C2CD3: variants seen among roughly 807,000 people sequenced by gnomAD.
C2CD3 encodes the protein C2 domain-containing protein 3.
Under a neutral mutation model 234.0 loss-of-function variants are expected in C2CD3, and 148 were observed. The ratio of observed to expected loss-of-function variants is 0.63; its 90% CI spans 0.55 to 0.72. The LOEUF is 0.72. C2CD3 is among the 30% of genes least tolerant of loss of function. C2CD3 has a pLI of 0.00. For synonymous variants in C2CD3, 1,000 were observed against 1,035.4 expected (o/e 0.97, Z 0.66); for missense variants, 2,577 against 2,811.5 (o/e 0.92, Z 1.89).
chr11:74,086,664 C>T (rs1490767383), intron 20 of C2CD3, among the ~76,000 whole-genome samples: 1 of 152,196 alleles, frequency 6.6e-6, no homozygotes, highest in South Asian at 2.1e-4. Context: ...TTTTATCTTT[C>T]TCAGCACAGA....
In C2CD3 at chr11:74,048,051, G is replaced by T. The variant is rs561783145; in HGVS notation, c.5495+154C>A. On this transcript the variant is annotated intron_variant, in intron 28 of 32. Transcript: ENST00000334126. Reference sequence around the variant, plus strand: ...TCTTATAAAAACTTTGTTTTCATACGATCTTGGGGTTTTTGGAGTTGTGAC... The same window carrying T: ...TCTTATAAAAACTTTGTTTTCATACTATCTTGGGGTTTTTGGAGTTGTGAC... 2.6e-5 allele frequency among the ~76,000 whole-genome samples: 4 copies of T among 152,266 alleles called. No individual in the cohort carries two copies. The South Asian group carries it at 6.2e-4, about 24-fold the overall frequency.
In C2CD3 at chr11:74,085,796, C is replaced by T. The variant is rs1216804393; in HGVS notation, c.3732G>A (p.Gln1244=). 6.2e-7 allele frequency: 1 copy of T among 1,614,054 alleles called. No individual in the cohort carries two copies. Among genetic ancestry groups the T allele is most frequent in the East Asian group, 2.2e-5 (1 of 44,868 alleles). The change falls in exon 21 of 33, where the codon CAG becomes CAA. Residue 1244 remains glutamine, a synonymous_variant. Coordinates refer to ENST00000334126, the MANE Select transcript of C2CD3 (RefSeq NM_001286577.2). ...SVTTHLSFLP[Q]GEQRRTHPVA... is the part of the protein sequence containing the mutation. ...CAGGGTGGGTTCGGCGCTGTTCTCC[C>T]TGGGGCAGGAAGGAGAGATGAGTGG...
intron 3 of C2CD3, chr11:74,142,056 T>C (rs928370771): frequency 6.6e-6 from 1 of 152,296 alleles, no homozygotes; most frequent in African/African-American, 2.4e-5. Flanking sequence ...CAGAGGATCA[T>C]AGTATTTTGT....
intron 19 of C2CD3, among the ~76,000 whole-genome samples, chr11:74,091,718 T>C (rs148649012): frequency 1.0e-3 from 159 of 152,334 alleles, no homozygotes; most frequent in African/African-American, 3.6e-3. Context: ...TATCTGCTCA[T>C]GTTGGCTTGG....
chr11:74,093,819 C>T lies in C2CD3; in HGVS notation c.3341G>A (p.Cys1114Tyr), dbSNP rs1955995710. ...PGGGVQFEIW[C>Y]RYYYPNVRDQ... ...GACTGGGGTCTCCACACTGTACCTG[C>T]ACCAGATTTCAAACTGGACTCCACC... Residue 1114 changes from cysteine to tyrosine, a missense_variant, in exon 18 of 33, where the codon TGC becomes TAC. By Grantham distance (194) the Cys-to-Tyr change is radical. Transcript: ENST00000334126. 1.2e-6 allele frequency: 2 copies of T among 1,613,376 alleles called. No homozygotes were observed. The highest frequency in any genetic ancestry group is 2.7e-5 in the African/African-American group (2 of 74,882).
At chr11:74,032,619 T>C (rs1185870136) in intron 31 of C2CD3, among the ~76,000 whole-genome samples, 1 of 152,064 alleles carries the variant, frequency 6.6e-6, no homozygotes, top group Non-Finnish European at 1.5e-5. Context: ...ATGCTCTAAC[T>C]GCAGCATTTT....
chr11:74,168,260 G>A, intron 2 of C2CD3, 84 bp downstream of exon 2: 5 of 1,095,466 alleles, frequency 4.6e-6, no homozygotes, highest in Non-Finnish European at 6.8e-6. Flanking sequence ...ATATATGCTA[G>A]GTACACAACA....
intron 7 of C2CD3, among the ~76,000 whole-genome samples, chr11:74,125,707 A>C (rs1184062909): frequency 6.6e-6 from 1 of 152,038 alleles, no homozygotes; most frequent in African/African-American, 2.4e-5. Context: ...CTTTTTTCTT[A>C]TACAACTAAT....
At chr11:74,167,159 C>T (rs964468622) in intron 2 of C2CD3, among the ~76,000 whole-genome samples, 1 of 152,134 alleles carries the variant, frequency 6.6e-6, no homozygotes, top group African/African-American at 2.4e-5. Context: ...TGTTCGGATG[C>T]CAAGTCCAAT....
intron 8 of C2CD3, among the ~76,000 whole-genome samples, chr11:74,119,177 T>C (rs766550454): frequency 6.6e-6 from 1 of 152,196 alleles, no homozygotes; most frequent in Non-Finnish European, 1.5e-5. Context: ...CCCAAAGTGC[T>C]GGAATTACAG....
intron 7 of C2CD3, chr11:74,128,629 G>A (rs1957499836): frequency 6.6e-6 from 1 of 151,818 alleles, no homozygotes; most frequent in Admixed American, 6.6e-5. Context: ...AATAGTGGAG[G>A]GAAGGTCAGC....
chr11:74,114,043 T>TGA, intron 10 of C2CD3, 151 bp from the exon 11 acceptor site: 1 of 600,666 alleles, frequency 1.7e-6, no homozygotes, highest in South Asian at 2.2e-5. Flanking sequence ...CAACCCTGTC[T>TGA]GAGAGAATCA....
At position 74,118,388 on chromosome 11, in the gene C2CD3, G is replaced by C. The variant is rs1957097624; in HGVS notation, c.1366-6C>G. On this transcript the variant is annotated splice_polypyrimidine_tract_variant and splice_region_variant and intron_variant, in intron 8 of 32. Transcript: ENST00000334126. ...CTGATGCTGGTATCAGATTTCTATG[G>C]AGAGGAAGAAACAGAGACACTAAAT... 4 of 1,609,902 alleles carry C rather than the reference G, an allele frequency of 2.5e-6. No individual in the cohort carries two copies. The South Asian group carries it at 3.3e-5, about 13-fold the overall frequency.
rs1209232346 is a variant in C2CD3 at position 74,033,861 on chromosome 11, G to C, written c.6299C>G (p.Pro2100Arg). ...TTCCCTCTGCACCTCGTCAGGCTGA[G>C]GGCTGATGACCTCACTTGTGTCTGA... ...VISDTSEVIS[P>R]QPDEVQREGP... The change falls in exon 31 of 33, where the codon CCT (proline) becomes CGT (arginine). Residue 2100 changes from proline to arginine, a missense_variant. Pro to Arg is a moderately radical substitution (Grantham distance 103). Transcript: ENST00000334126. 6.5e-7 allele frequency: 1 copy of C among 1,536,218 alleles called. No individual in the cohort carries two copies. Among genetic ancestry groups the C allele is most frequent in the East Asian group, 2.4e-5 (1 of 40,912 alleles).
At chr11:74,028,864 G>A (rs17132602) in intron 31 of C2CD3, among the ~76,000 whole-genome samples, 10,479 of 152,270 alleles carry the variant, frequency 0.069, 895 homozygotes, top group African/African-American at 0.2. Context: ...GTTAGAAAAA[G>A]ACCTATTAGA....
Position 74,096,610 on chromosome 11 carries a change from T to C in C2CD3, c.2980-1202A>G, listed in dbSNP as rs529768087. 5.9e-5 allele frequency among the ~76,000 whole-genome samples: 9 copies of C among 152,238 alleles called. No individual in the cohort carries two copies. The East Asian group carries it at 1.5e-3, about 26-fold the overall frequency. ...GGCATGAGTAGAGGAGGAAAAACAA[T>C]TGTTTTTATAGATATCTAATCCCAC... On this transcript the variant is annotated intron_variant, in intron 16 of 32. Coordinates refer to ENST00000334126, the MANE Select transcript of C2CD3 (RefSeq NM_001286577.2).
intron 32 of C2CD3, among the ~76,000 whole-genome samples, chr11:74,017,777 A>C (rs1726753): frequency 0.079 from 11,924 of 151,518 alleles, 1,468 homozygotes; most frequent in African/African-American, 0.26. Context: ...TGTGATGCAG[A>C]CTCTTCTCCA....
intron 1 of C2CD3, among the ~76,000 whole-genome samples, chr11:74,169,556 C>T (rs1272370085): frequency 6.6e-6 from 1 of 152,062 alleles, no homozygotes; most frequent in Non-Finnish European, 1.5e-5. Flanking sequence ...CCGCCTCTGC[C>T]CTCTATAGTG....
chr11:74,085,920 C>G, intron 20 of C2CD3, 34 bp from the exon 21 acceptor site: 3 of 1,567,604 alleles, frequency 1.9e-6, no homozygotes, highest in Non-Finnish European at 8.7e-7. Context: ...GAGAAGATAC[C>G]ATGGTAACAT....
Sources: allele counts gnomAD v4.1 joint callset (sites outside exome capture counted in the v4.1 genomes callset), GRCh38; gene constraint gnomAD v4.1.1; transcripts MANE v1.5; gene names NCBI Gene and HGNC (gene_info 2026-07-23, HGNC 2026-07-21).